SPATA31D1: variants seen among roughly 807,000 people sequenced by gnomAD.
The protein encoded by SPATA31D1 is spermatogenesis-associated protein 31D1.
A neutral mutation model predicts 13.2 loss-of-function variants in SPATA31D1; 6 were observed. The observed-to-expected ratio is 0.46, with a 90% CI of 0.25 to 0.90. SPATA31D1 has a LOEUF of 0.90. Ranked by LOEUF, SPATA31D1 falls within the 40% of genes least tolerant of loss-of-function variation. The probability of loss-of-function intolerance (pLI) is 0.18; values close to 1 mark genes in which losing one functional copy is unlikely to be tolerated. For synonymous variants in SPATA31D1, 903 were observed against 718.8 expected (o/e 1.26, Z -4.10); for missense variants, 2,445 against 1,884.7 (o/e 1.30, Z -5.50).
intron 1 of SPATA31D1, 44 bp from the exon 2 acceptor site, chr9:81,989,734 G>C (rs1479854207): frequency 6.2e-7 from 1 of 1,608,644 alleles, no homozygotes; most frequent in South Asian, 1.1e-5. Flanking sequence ...TAGAGAGTGA[G>C]AGAAGTGAGT....
chr9:81,991,662 C>T lies in SPATA31D1; in HGVS notation c.1192C>T (p.Leu398Phe), dbSNP rs373050342. The change falls in exon 4 of 4, where the codon CTC becomes TTC. Residue 398 changes from leucine to phenylalanine, a missense_variant. Physicochemically the swap from Leu to Phe is conservative, Grantham distance 22. Transcript: ENST00000344803. Reference sequence around the variant, plus strand: ...TTTAGGGGGGCACTCTGTGGCCAACCTCATAGAGCCTGTTAACATCTCATT... The same window carrying T: ...TTTAGGGGGGCACTCTGTGGCCAACTTCATAGAGCCTGTTAACATCTCATT... ...AFLGGHSVAN[L>F]IEPVNISFLS... 1.8e-5 allele frequency: 29 copies of T among 1,613,818 alleles called. No individual in the cohort carries two copies. The Admixed American group carries it at 4.3e-4, about 24-fold the overall frequency.
At position 81,990,984 on chromosome 9, in the gene SPATA31D1, C is replaced by T. The variant is rs1227076664; in HGVS notation, c.514C>T (p.Leu172=). Reference sequence around the variant, plus strand: ...TTCTGCGACTGAGTCATCGTTCACTCTGGCTTCCACCCCCTCAGCAACCCC... The same window carrying T: ...TTCTGCGACTGAGTCATCGTTCACTTTGGCTTCCACCCCCTCAGCAACCCC... ...SASATESSFT[L]ASTPSATPPE... Residue 172 remains leucine (L), a synonymous_variant, in exon 4 of 4, where the codon CTG becomes TTG. Coordinates refer to ENST00000344803, the MANE Select transcript of SPATA31D1 (RefSeq NM_001001670.3). The T allele has an allele frequency of 5.6e-6, 9 of 1,613,708 alleles. No homozygotes were observed. Among genetic ancestry groups the T allele is most frequent in the African/African-American group, 2.7e-5 (2 of 74,912 alleles).
Position 81,993,322 on chromosome 9 carries a change from T to A in SPATA31D1, c.2852T>A (p.Ile951Asn), listed in dbSNP as rs368438584. 35 of 1,613,830 alleles carry A rather than the reference T, an allele frequency of 2.2e-5. 1 individual carries two copies. The highest frequency in any genetic ancestry group is 3.3e-4 in the Middle Eastern group (2 of 6,084). The change falls in exon 4 of 4, where the codon ATC becomes AAC. Residue 951 changes from isoleucine to asparagine, a missense_variant. Physicochemically the swap from Ile to Asn is moderately radical, Grantham distance 149. Coordinates refer to ENST00000344803, the MANE Select transcript of SPATA31D1 (RefSeq NM_001001670.3). ...HFDLPSSATF[I>N]SQGDSKDGVS... ...GACCTTCCCTCCTCAGCCACCTTCA[T>A]CTCTCAGGGAGATTCCAAAGATGGG...
chr9:81,989,050 T>C, intron 1 of SPATA31D1, 46 bp downstream of exon 1: 2 of 1,600,108 alleles, frequency 1.2e-6, no homozygotes, highest in Non-Finnish European at 1.7e-6. Flanking sequence ...CCTGTTGTTG[T>C]TTCCCAATCC....
chr9:81,989,844 C>A (rs1824917174), intron 2 of SPATA31D1, 21 bp downstream of exon 2: 1 of 1,612,776 alleles, frequency 6.2e-7, no homozygotes, highest in South Asian at 1.1e-5. Context: ...CCTGCTCTAT[C>A]TGAGCTTCAG....
chr9:81,988,618 G>C (rs1466878305), upstream of SPATA31D1, among the ~76,000 whole-genome samples: 1 of 152,180 alleles, frequency 6.6e-6, no homozygotes, highest in Non-Finnish European at 1.5e-5. Flanking sequence ...TGGCAAGGTA[G>C]GGCAGAGGGA....
At position 81,993,541 on chromosome 9, in the gene SPATA31D1, C is replaced by A. The variant is rs1825026904; in HGVS notation, c.3071C>A (p.Ser1024Tyr). ...GATTCCAAAGACGGGGCCTCCACAT[C>A]CCTTAGAAGAGGTACTACAGATTTT... Reference protein sequence around the residue: ...ETDSKDGASTSLRRGTTDFQS... With the variant: ...ETDSKDGASTYLRRGTTDFQS... Residue 1024 changes from serine to tyrosine, a missense_variant, in exon 4 of 4, where the codon TCC becomes TAC. By Grantham distance (144) the Ser-to-Tyr change is moderately radical. Transcript: ENST00000344803. 6.2e-7 allele frequency: 1 copy of A among 1,613,754 alleles called. No homozygotes were observed. Among genetic ancestry groups the A allele is most frequent in the Non-Finnish European group, 8.5e-7 (1 of 1,179,822 alleles).
At chr9:81,989,964 G>A (rs957373599) in intron 2 of SPATA31D1, 141 bp downstream of exon 2, 14 of 943,774 alleles carry the variant, frequency 1.5e-5, no homozygotes, top group Middle Eastern at 3.2e-4. Context: ...AGGCTCATGG[G>A]AAAGCAATCA....
At position 81,995,072 on chromosome 9, in the gene SPATA31D1, G is replaced by T. The variant is rs376982223; in HGVS notation, c.4602G>T (p.Gln1534His). The T allele has an allele frequency of 2.5e-6, 4 of 1,613,068 alleles. No individual in the cohort carries two copies. Among genetic ancestry groups the T allele is most frequent in the Admixed American group, 1.7e-5 (1 of 59,858 alleles). The change falls in exon 4 of 4, where the codon CAG (glutamine) becomes CAT (histidine). Residue 1534 changes from glutamine to histidine, a missense_variant. Physicochemically the swap from Gln to His is conservative, Grantham distance 24. Transcript: ENST00000344803. ...ATCCAAACCCCACTTGCCGGCGTCA[G>T]GTCAGCCTGGTGTGTCCAGCCGTCC... ...VPHPNPTCRR[Q>H]VSLVCPAVPT...
In SPATA31D1 at chr9:81,989,842, A is replaced by G. The variant is rs1157010722; in HGVS notation, c.232+19A>G. On this transcript the variant is annotated intron_variant, in intron 2 of 3. Coordinates refer to ENST00000344803, the MANE Select transcript of SPATA31D1 (RefSeq NM_001001670.3). ...TTCAAAGGTAATGTCAGCCTGCTCT[A>G]TCTGAGCTTCAGGGGTGACCCTTTC... The G allele has an allele frequency of 1.9e-6, 3 of 1,612,844 alleles. No homozygotes were observed. Among genetic ancestry groups the G allele is most frequent in the Non-Finnish European group, 2.5e-6 (3 of 1,179,262 alleles).
At position 81,992,716 on chromosome 9, in the gene SPATA31D1, C is replaced by A; in HGVS notation, c.2246C>A (p.Ala749Glu). ...AGGTGCAATGTTCTAAAGAAGTCCG[C>A]ATCAAGCTTCCCTAGAAGCTTCCAC... ...GQRCNVLKKS[A>E]SSFPRSFHER... The change falls in exon 4 of 4, where the codon GCA becomes GAA. Residue 749 changes from alanine (A) to glutamate (E), a missense_variant. Ala to Glu is a moderately radical substitution (Grantham distance 107). Transcript: ENST00000344803. 1 of 1,613,800 alleles carries A rather than the reference C, an allele frequency of 6.2e-7. No individual in the cohort carries two copies. Among genetic ancestry groups the A allele is most frequent in the Middle Eastern group, 1.7e-4 (1 of 6,056 alleles).
In SPATA31D1 at chr9:81,993,530, G is replaced by A; in HGVS notation, c.3060G>A (p.Gly1020=). Residue 1020 remains glycine (G), a synonymous_variant, in exon 4 of 4, where the codon GGG becomes GGA. Coordinates refer to ENST00000344803, the MANE Select transcript of SPATA31D1 (RefSeq NM_001001670.3). ...HDLIETDSKD[G]ASTSLRRGTT... ...TTATAGAGACAGATTCCAAAGACGG[G>A]GCCTCCACATCCCTTAGAAGAGGTA... 2 of 1,613,734 alleles carry A rather than the reference G, an allele frequency of 1.2e-6. No individual in the cohort carries two copies. The highest frequency in any genetic ancestry group is 2.7e-5 in the African/African-American group (2 of 74,968).
chr9:81,991,209 C>G lies in SPATA31D1; in HGVS notation c.739C>G (p.Leu247Val). ...CCCACCCCAACAGCTTCCCTTTCCCCTTCTCCCACCACATCACATTGAGAG... is the reference window on the plus strand; with the variant it reads ...CCCACCCCAACAGCTTCCCTTTCCCGTTCTCCCACCACATCACATTGAGAG... ...HSPPQQLPFP[L>V]LPPHHIERVE... Residue 247 changes from leucine (L) to valine (V), a missense_variant, in exon 4 of 4, where the codon CTT (leucine) becomes GTT (valine). By Grantham distance (32) the Leu-to-Val change is conservative (BLOSUM62 1). Coordinates refer to ENST00000344803, the MANE Select transcript of SPATA31D1 (RefSeq NM_001001670.3). 1 of 1,614,006 alleles carries G rather than the reference C, an allele frequency of 6.2e-7. No homozygotes were observed. Among genetic ancestry groups the G allele is most frequent in the Non-Finnish European group, 8.5e-7 (1 of 1,179,880 alleles).
Position 81,992,077 on chromosome 9 carries a change from C to G in SPATA31D1, c.1607C>G (p.Thr536Arg). ...ATGTTTGTATTCTTCAATGGCATTA[C>G]AAATACATCTATATCCCATGAATCC... ...SSMFVFFNGI[T>R]NTSISHESPV... The change falls in exon 4 of 4, where the codon ACA (threonine) becomes AGA (arginine). Residue 536 changes from threonine (T) to arginine (R), a missense_variant. Transcript: ENST00000344803. 1.2e-6 allele frequency: 2 copies of G among 1,613,756 alleles called. No homozygotes were observed. The highest frequency in any genetic ancestry group is 2.7e-5 in the African/African-American group (2 of 75,024).
Position 81,994,138 on chromosome 9 carries a change from CTGACA to C in SPATA31D1, c.3671_3675del (p.Asp1224ValfsTer6), listed in dbSNP as rs1378506134. The C allele has an allele frequency of 6.2e-7, 1 of 1,614,026 alleles. No homozygotes were observed. Among genetic ancestry groups the C allele is most frequent in the Admixed American group, 1.7e-5 (1 of 60,020 alleles). ...CATAGCCAACCTCAGAGCCATTTCA[CTGACA>C]TGTCTTTTGCCTTAGATAACTTGAG... On this transcript the variant is annotated frameshift_variant, in exon 4 of 4. Coordinates refer to ENST00000344803, the MANE Select transcript of SPATA31D1 (RefSeq NM_001001670.3). LOFTEE classifies it low-confidence loss of function (END_TRUNC).
rs766275420 is a variant in SPATA31D1 at position 81,991,348 on chromosome 9, C to T, written c.878C>T (p.Ala293Val). The change falls in exon 4 of 4, where the codon GCT (alanine) becomes GTT (valine). Residue 293 changes from alanine to valine, a missense_variant. Ala to Val is a moderately conservative substitution (Grantham distance 64). Coordinates refer to ENST00000344803, the MANE Select transcript of SPATA31D1 (RefSeq NM_001001670.3). ...SQAMNPIDSC[A>V]RHHGPPIPSA... ...GCCATGAATCCCATTGATTCTTGTGCTCGTCATCACGGACCACCAATCCCA... is the reference window on the plus strand; with the variant it reads ...GCCATGAATCCCATTGATTCTTGTGTTCGTCATCACGGACCACCAATCCCA... The T allele has an allele frequency of 1.9e-5, 31 of 1,613,872 alleles. No individual in the cohort carries two copies. Among genetic ancestry groups the T allele is most frequent in the African/African-American group, 6.7e-5 (5 of 74,920 alleles).
chr9:81,994,592 C>T lies in SPATA31D1; in HGVS notation c.4122C>T (p.Ser1374=). Residue 1374 remains serine, a synonymous_variant, in exon 4 of 4, where the codon TCC becomes TCT. Transcript: ENST00000344803. ...PSISYEEQES[S]WEKGSSLSSC... is the part of the protein sequence containing the mutation. Reference sequence around the variant, plus strand: ...TATCATATGAAGAACAAGAAAGTTCCTGGGAAAAGGGTAGCTCCCTGTCAT... The same window carrying T: ...TATCATATGAAGAACAAGAAAGTTCTTGGGAAAAGGGTAGCTCCCTGTCAT... The T allele has an allele frequency of 3.1e-6, 5 of 1,612,838 alleles. No homozygotes were observed. Among genetic ancestry groups the T allele is most frequent in the Non-Finnish European group, 4.2e-6 (5 of 1,179,350 alleles).
intron 1 of SPATA31D1, among the ~76,000 whole-genome samples, chr9:81,989,289 C>T (rs1485309342): frequency 6.6e-6 from 1 of 152,126 alleles, no homozygotes; most frequent in East Asian, 1.9e-4. Flanking sequence ...TCTGTGGTCC[C>T]AGGTGGGATT....
In SPATA31D1 at chr9:81,993,216, T is replaced by C; in HGVS notation, c.2746T>C (p.Trp916Arg). 6.2e-7 allele frequency: 1 copy of C among 1,614,002 alleles called. No homozygotes were observed. The highest frequency in any genetic ancestry group is 2.2e-5 in the East Asian group (1 of 44,864). Residue 916 changes from tryptophan to arginine, a missense_variant, in exon 4 of 4, where the codon TGG becomes CGG. Transcript: ENST00000344803. ...HIKTFRMRML[W>R]GLPLKVLESI... The stretch of plus-strand genomic sequence containing the variant: ...TAAAACTTTCCGTATGAGGATGCTG[T>C]GGGGCCTTCCCCTCAAGGTCCTTGA...
Sources: allele counts gnomAD v4.1 joint callset (sites outside exome capture counted in the v4.1 genomes callset), GRCh38; gene constraint gnomAD v4.1.1; transcripts MANE v1.5; gene names NCBI Gene and HGNC (gene_info 2026-07-23, HGNC 2026-07-21).